The following CRYL1 variants were observed in gnomAD, a reference collection of about 807,000 sequenced individuals.
The protein encoded by CRYL1 is lambda-crystallin homolog.
Under a neutral mutation model 36.6 loss-of-function variants are expected in CRYL1, and 29 were observed. The ratio of observed to expected loss-of-function variants is 0.79; its 90% CI spans 0.59 to 1.08. The LOEUF is 1.08. Ranked by LOEUF, CRYL1 falls within the 50% of genes least tolerant of loss-of-function variation. CRYL1 has a pLI of 0.00. For synonymous variants in CRYL1, 152 were observed against 151.5 expected (o/e 1.00, Z -0.02); for missense variants, 411 against 407.9 (o/e 1.01, Z -0.06).
chr13:20,417,233 T>G (rs1254921025), intron 5 of CRYL1, among the ~76,000 whole-genome samples: 1 of 152,216 alleles, frequency 6.6e-6, no homozygotes, highest in Non-Finnish European at 1.5e-5. Context: ...ATTTTGCCAC[T>G]GAGCTTAATT....
rs755821568 is a variant in CRYL1 at position 20,432,247 on chromosome 13, T to G, written c.488A>C (p.Glu163Ala). 6.2e-7 allele frequency: 1 copy of G among 1,613,002 alleles called. No homozygotes were observed. Among genetic ancestry groups the G allele is most frequent in the South Asian group, 1.1e-5 (1 of 91,016 alleles). ...TCTGTCCACTGTCGTAGGGGCCGTC[T>G]CCGGGTGGGGGACCAGCTCAACCAG... ...IPLVELVPHP[E>A]TAPTTVDRTH... The change falls in exon 5 of 8, where the codon GAG becomes GCG. Residue 163 changes from glutamate to alanine, a missense_variant. By Grantham distance (107) the Glu-to-Ala change is moderately radical (BLOSUM62 -1). Coordinates refer to ENST00000298248, the MANE Select transcript of CRYL1 (RefSeq NM_015974.3).
chr13:20,414,255 T>TTTG (rs777450852), intron 5 of CRYL1, among the ~76,000 whole-genome samples: 36 of 151,286 alleles, frequency 2.4e-4, no homozygotes, highest in African/African-American at 8.8e-4. Flanking sequence ...AAGAGATTTT[T>TTTG]TGTGTGTGTG....
At chr13:20,414,720 G>A (rs2031613063) in intron 5 of CRYL1, among the ~76,000 whole-genome samples, 1 of 152,196 alleles carries the variant, frequency 6.6e-6, no homozygotes, top group Admixed American at 6.5e-5. Flanking sequence ...AAGGTTAGAC[G>A]TCTGATCAGC....
At chr13:20,479,447 A>T (rs1011454306) in intron 3 of CRYL1, among the ~76,000 whole-genome samples, 1 of 152,206 alleles carries the variant, frequency 6.6e-6, no homozygotes, top group African/African-American at 2.4e-5. Context: ...AATGAGATAG[A>T]GGGATGATCA....
At chr13:20,452,739 A>G (rs1255044382) in intron 3 of CRYL1, among the ~76,000 whole-genome samples, 1 of 152,152 alleles carries the variant, frequency 6.6e-6, no homozygotes, top group Non-Finnish European at 1.5e-5. Flanking sequence ...TAGGTTCATC[A>G]ACTGTAATAA....
chr13:20,507,728 C>G lies in CRYL1; in HGVS notation c.149+4715G>C, dbSNP rs553754004. On this transcript the variant is annotated intron_variant, in intron 2 of 7. Transcript: ENST00000298248. ...GGTCAGGAGATCGAGACCATCCTGG[C>G]TAACACAGTGAAACCCCGTCTCTAC... Among the ~76,000 whole-genome samples the G allele has an allele frequency of 6.1e-3, 929 of 151,950 alleles. 8 individuals are homozygous for G. The highest frequency in any genetic ancestry group is 0.021 in the African/African-American group (890 of 41,434).
intron 2 of CRYL1, among the ~76,000 whole-genome samples, chr13:20,500,929 G>A (rs1296346891): frequency 6.6e-6 from 1 of 152,126 alleles, no homozygotes; most frequent in East Asian, 1.9e-4. Flanking sequence ...AAAAAAAAGT[G>A]TTGAAGAACT....
In CRYL1 at chr13:20,425,842, A is replaced by T. The variant is rs9552173; in HGVS notation, c.633+6260T>A. Among the ~76,000 whole-genome samples the T allele has an allele frequency of 0.19, 28,152 of 152,018 alleles. 2,787 individuals are homozygous for T. The highest frequency in any genetic ancestry group is 0.31 in the East Asian group (1,602 of 5,146). ...TGGATTATGCGCAAACCTGGCTGACAGCATGAGATCAGGCCCCAGTACACA... is the reference window on the plus strand; with the variant it reads ...TGGATTATGCGCAAACCTGGCTGACTGCATGAGATCAGGCCCCAGTACACA... On this transcript the variant is annotated intron_variant, in intron 5 of 7. Transcript: ENST00000298248. The surrounding 1 kb of genome is among the most constrained non-coding windows in gnomAD (Gnocchi z 4.4).
At chr13:20,443,099 T>A (rs557588692) in intron 3 of CRYL1, among the ~76,000 whole-genome samples, 1 of 152,340 alleles carries the variant, frequency 6.6e-6, no homozygotes, top group Admixed American at 6.5e-5. Context: ...CTAACTTGTA[T>A]TTTTAAAGTA....
At chr13:20,510,909 CA>C (rs35059101) in intron 2 of CRYL1, among the ~76,000 whole-genome samples, 11 of 149,164 alleles carry the variant, frequency 7.4e-5, no homozygotes, top group African/African-American at 2.2e-4. Context: ...AGCTCCGTGG[CA>C]AAAAAAAAGA....
intron 1 of CRYL1, among the ~76,000 whole-genome samples, chr13:20,516,323 G>T (rs575089870): frequency 2.0e-5 from 3 of 151,748 alleles, no homozygotes; most frequent in African/African-American, 7.3e-5. Context: ...ATGATTCTGA[G>T]TGGGGACAAG....
At chr13:20,514,603 A>G (rs1377848283) in intron 1 of CRYL1, among the ~76,000 whole-genome samples, 1 of 152,208 alleles carries the variant, frequency 6.6e-6, no homozygotes, top group Non-Finnish European at 1.5e-5. Context: ...GGAAATCTGA[A>G]TAAAATGTGA....
chr13:20,509,250 T>TTTTTGTTTTG lies in CRYL1; in HGVS notation c.149+3183_149+3192dup, dbSNP rs10694169. Among the ~76,000 whole-genome samples the TTTTTGTTTTG allele has an allele frequency of 6.5e-3, 957 of 146,918 alleles. 15 individuals are homozygous for TTTTTGTTTTG. The highest frequency in any genetic ancestry group is 0.023 in the African/African-American group (907 of 39,890). ...TGAAAACATCTTTTTGCCTCATAGT[T>TTTTTGTTTTG]TTTTGTTTTGTTTTGTTTTGTTTTT... is the stretch of plus-strand genomic sequence containing the variant. On this transcript the variant is annotated intron_variant, in intron 2 of 7. Transcript: ENST00000298248.
Position 20,439,514 on chromosome 13 carries a change from C to CAAAAAAAAAAAAAAAAAAAAAA in CRYL1, c.438+78_438+79insTTTTTTTTTTTTTTTTTTTTTT, listed in dbSNP as rs56087130. 3.8e-4 allele frequency: 126 copies of CAAAAAAAAAAAAAAAAAAAAAA among 331,808 alleles called. 6 individuals carry two copies. Among genetic ancestry groups the CAAAAAAAAAAAAAAAAAAAAAA allele is most frequent in the East Asian group, 1.3e-3 (15 of 11,860 alleles). The allele number at this position is 331,808 out of a possible 1,614,324, so 20.6% of individuals were successfully genotyped here. A position where few individuals can be genotyped will look rare whatever the true frequency, so the allele number is the denominator to read the frequency against. On this transcript the variant is annotated intron_variant, in intron 4 of 7. Transcript: ENST00000298248. ...ACAAGTTATTGACCCCCCTCCCCCGCAAAAAAAAAAAAAAAAGAAAAAAAA... is the reference window on the plus strand; with the variant it reads ...ACAAGTTATTGACCCCCCTCCCCCGCAAAAAAAAAAAAAAAAAAAAAAAAAAAAAAAAAAAAAAGAAAAAAAA...
At chr13:20,494,170 C>T (rs17248139) in intron 2 of CRYL1, among the ~76,000 whole-genome samples, 31,565 of 152,104 alleles carry the variant, frequency 0.21, 3,476 homozygotes, top group East Asian at 0.3. Context: ...ATAAACACAA[C>T]CAGAAGAAAA....
At chr13:20,520,560 G>T (rs2034074400) in intron 1 of CRYL1, among the ~76,000 whole-genome samples, 1 of 152,158 alleles carries the variant, frequency 6.6e-6, no homozygotes, top group Non-Finnish European at 1.5e-5. Context: ...CAGGTGATTG[G>T]ACTGGGCCCC....
intron 3 of CRYL1, among the ~76,000 whole-genome samples, chr13:20,483,589 G>T (rs548523512): frequency 1.3e-5 from 2 of 152,116 alleles, no homozygotes; most frequent in Admixed American, 6.5e-5. Flanking sequence ...ACCCAGGCTG[G>T]AGTACAGTGG....
At chr13:20,413,122 C>T (rs554149839) in intron 6 of CRYL1, among the ~76,000 whole-genome samples, 160 bp downstream of exon 6, 61 of 152,308 alleles carry the variant, frequency 4.0e-4, no homozygotes, top group African/African-American at 1.4e-3. Flanking sequence ...CAGTACACAG[C>T]GTTTCGAATC....
At chr13:20,515,219 C>G (rs1050071967) in intron 1 of CRYL1, among the ~76,000 whole-genome samples, 1 of 152,062 alleles carries the variant, frequency 6.6e-6, no homozygotes. Context: ...CTAGTGGGTC[C>G]AAGGTTTGGG....
Sources: gnomAD v4.1 joint callset for allele counts (sites outside exome capture counted in the v4.1 genomes callset) on GRCh38, gnomAD v4.1.1 for gene constraint, Gnocchi (gnomAD v3.1) non-coding constraint, MANE v1.5 for transcripts, NCBI Gene and HGNC (gene_info 2026-07-23, HGNC 2026-07-21) for gene names.